Variants in TLL2 observed in about 807,000 individuals in gnomAD.
The protein encoded by TLL2 is tolloid-like protein 2.
In TLL2, 106 loss-of-function variants were observed where a neutral mutation model predicts 123.0. The ratio of observed to expected loss-of-function variants is 0.86; its 90% CI spans 0.74 to 1.01. The LOEUF is 1.01. Among genes scored for constraint, TLL2 ranks in the 50% least tolerant of loss-of-function variants. TLL2 has a pLI of 0.00. For missense variants in TLL2, 1,332 were observed against 1,336.7 expected (o/e 1.00, Z 0.06); for synonymous variants, 494 against 516.8 (o/e 0.96, Z 0.60).
chr10:96,410,410 G>A lies in TLL2; in HGVS notation c.1113C>T (p.Tyr371=), dbSNP rs534408255. 15 of 1,614,018 alleles carry A rather than the reference G, an allele frequency of 9.3e-6. No individual in the cohort carries two copies. In the African/African-American group the frequency reaches 2.0e-4, roughly 22 times the overall value. ...NFSAPGFPNG[Y]PSYSHCVWRI... ...TCCAGACGCAGTGGGAGTAAGATGG[G>A]TACCCATTTGGGAAACCAGGTGCAG... The change falls in exon 9 of 21, where the codon TAC becomes TAT. Residue 371 remains tyrosine, a synonymous_variant. Transcript: ENST00000357947.
At chr10:96,378,930 C>T in intron 17 of TLL2, 37 bp downstream of exon 17, 3 of 1,610,878 alleles carry the variant, frequency 1.9e-6, no homozygotes, top group South Asian at 1.1e-5. Context: ...CGGCGAAGGG[C>T]AGCCCGCCCC....
At chr10:96,508,718 C>T (rs577850915) in intron 1 of TLL2, among the ~76,000 whole-genome samples, 11 of 152,072 alleles carry the variant, frequency 7.2e-5, no homozygotes, top group African/African-American at 2.4e-4. Context: ...ACATGTCTCC[C>T]CACCTTTCTG....
At chr10:96,446,249 G>C (rs1045743190) in intron 2 of TLL2, 81 bp from the exon 3 acceptor site, 40 of 1,316,496 alleles carry the variant, frequency 3.0e-5, no homozygotes, top group Non-Finnish European at 4.3e-5. Context: ...GAGCAAACCT[G>C]GTCACCTGGG....
intron 15 of TLL2, 98 bp from the exon 16 acceptor site, chr10:96,384,865 C>G: frequency 2.5e-6 from 3 of 1,221,010 alleles, no homozygotes; most frequent in Non-Finnish European, 3.3e-6. Flanking sequence ...CTCACCCTAC[C>G]GTGTGTGGCG....
chr10:96,484,046 G>C (rs1174145163), intron 1 of TLL2, among the ~76,000 whole-genome samples: 4 of 152,170 alleles, frequency 2.6e-5, no homozygotes, highest in Non-Finnish European at 5.9e-5. Context: ...GTTTCACCAT[G>C]TTGGCCAGGC....
rs1564902698 is a variant in TLL2, at chr10:96,415,733, C to CTT, written c.924-2418_924-2417insAA. Among the ~76,000 whole-genome samples, 81 of 81,408 alleles carry CTT rather than the reference C, an allele frequency of 9.9e-4. 2 individuals carry two copies. Among genetic ancestry groups the CTT allele is most frequent in the African/African-American group, 3.9e-3 (74 of 18,778 alleles). The allele number at this position is 81,408 out of a possible 152,430, so 53.4% of individuals were successfully genotyped here. A position where few individuals can be genotyped will look rare whatever the true frequency, so the allele number is the denominator to read the frequency against. On this transcript the variant is annotated intron_variant, in intron 7 of 20. Transcript: ENST00000357947. ...CTGTGCATGCTCTCTCTCTCTGTCT[C>CTT]TCTCTGTCTCTCTCTCTCTCTCTCT...
At chr10:96,430,174 G>T (rs1481053409) in intron 4 of TLL2, among the ~76,000 whole-genome samples, 3 of 152,210 alleles carry the variant, frequency 2.0e-5, no homozygotes, top group African/African-American at 7.2e-5. Context: ...AGGTGTTTGG[G>T]TCATGGGGAT....
At chr10:96,471,429 G>T (rs1030116675) in intron 2 of TLL2, among the ~76,000 whole-genome samples, 1 of 152,202 alleles carries the variant, frequency 6.6e-6, no homozygotes, top group East Asian at 1.9e-4. Flanking sequence ...TGCAGGTTCC[G>T]GAAGAGTACT....
intron 9 of TLL2, among the ~76,000 whole-genome samples, chr10:96,407,184 C>T (rs553814844): frequency 2.0e-5 from 3 of 152,068 alleles, no homozygotes; most frequent in Non-Finnish European, 4.4e-5. Context: ...CTTTCCACAC[C>T]CCCAGAGCCT....
chr10:96,479,451 A>C (rs1847289938), intron 2 of TLL2, among the ~76,000 whole-genome samples: 1 of 152,170 alleles, frequency 6.6e-6, no homozygotes, highest in South Asian at 2.1e-4. Flanking sequence ...GGATGTCACC[A>C]CATACATGAG....
At chr10:96,475,528 T>C (rs7907729) in intron 2 of TLL2, among the ~76,000 whole-genome samples, 2,322 of 152,242 alleles carry the variant, frequency 0.015, 65 homozygotes, top group African/African-American at 0.052. Context: ...CTGAATAAAT[T>C]TGGGCACATC....
intron 17 of TLL2, among the ~76,000 whole-genome samples, chr10:96,377,774 A>C (rs1037716774): frequency 2.6e-5 from 4 of 152,260 alleles, no homozygotes; most frequent in African/African-American, 4.8e-5. Context: ...TCAGTGCTAC[A>C]TCTGCTCTGC....
intron 10 of TLL2, among the ~76,000 whole-genome samples, chr10:96,397,545 T>A (rs1226691172): frequency 6.6e-6 from 1 of 152,102 alleles, no homozygotes; most frequent in East Asian, 1.9e-4. Flanking sequence ...CATCAAAGTA[T>A]CCAGAGAAGA....
At chr10:96,467,494 A>C (rs932317145) in intron 2 of TLL2, among the ~76,000 whole-genome samples, 1 of 152,112 alleles carries the variant, frequency 6.6e-6, no homozygotes, top group Non-Finnish European at 1.5e-5. Flanking sequence ...CAGCCTCCCA[A>C]AGTGCTGGGA....
At chr10:96,450,172 T>A (rs1846943255) in intron 2 of TLL2, among the ~76,000 whole-genome samples, 1 of 151,448 alleles carries the variant, frequency 6.6e-6, no homozygotes, top group South Asian at 2.1e-4. Context: ...GATGGATGGA[T>A]GGATGGATGG....
chr10:96,384,510 G>A, intron 16 of TLL2, 77 bp downstream of exon 16: 1 of 1,381,226 alleles, frequency 7.2e-7, no homozygotes, highest in Non-Finnish European at 9.7e-7. Context: ...AGAGGAGGGG[G>A]CCAGGGACCC....
intron 2 of TLL2, among the ~76,000 whole-genome samples, chr10:96,472,869 C>T (rs1373631828): frequency 6.6e-6 from 1 of 152,182 alleles, no homozygotes; most frequent in South Asian, 2.1e-4. Context: ...AACCCTAAAT[C>T]CAAGTTCTCT....
At chr10:96,477,411 G>A (rs1029037055) in intron 2 of TLL2, among the ~76,000 whole-genome samples, 6 of 150,460 alleles carry the variant, frequency 4.0e-5, no homozygotes, top group South Asian at 2.1e-4. Context: ...GTGCAGTGGC[G>A]TGATCTTGCT....
At chr10:96,384,792 T>C in intron 15 of TLL2, 25 bp from the exon 16 acceptor site, 2 of 1,549,838 alleles carry the variant, frequency 1.3e-6, no homozygotes, top group Non-Finnish European at 8.8e-7. Context: ...GATGGGGAGC[T>C]TCCCAGAGTC....
Sources: allele counts gnomAD v4.1 joint callset (sites outside exome capture counted in the v4.1 genomes callset), GRCh38; gene constraint gnomAD v4.1.1; transcripts MANE v1.5; gene names NCBI Gene and HGNC (gene_info 2026-07-23, HGNC 2026-07-21).